Variants in NDST4 observed in about 807,000 individuals in gnomAD.
NDST4 encodes N-heparan sulfate sulfotransferase 4.
NDST4 carries 63 observed loss-of-function variants against 100.8 expected under a neutral mutation model. The observed-to-expected ratio is 0.62, with a 90% CI of 0.51 to 0.77. The LOEUF (loss-of-function observed/expected upper bound fraction) is 0.77. Ranked by LOEUF, NDST4 falls within the 30% of genes least tolerant of loss-of-function variation. NDST4 has a pLI of 0.00. For missense variants in NDST4, 943 were observed against 1,018.4 expected (o/e 0.93, Z 1.01); for synonymous variants, 377 against 361.8 (o/e 1.04, Z -0.48).
At position 114,929,099 on chromosome 4, in the gene NDST4, TCC is replaced by T. The variant is rs1560817023; in HGVS notation, c.1536+6105_1536+6106del. Among the ~76,000 whole-genome samples the T allele has an allele frequency of 9.4e-4, 126 of 134,396 alleles. 2 individuals carry two copies. The highest frequency in any genetic ancestry group is 3.3e-3 in the African/African-American group (122 of 36,984). 88.2% of individuals were successfully genotyped at this position (134,396 alleles called of 152,430 possible). A position where few individuals can be genotyped will look rare whatever the true frequency, so the allele number is the denominator to read the frequency against. ...GTCCATCCATCCATCCATCCATCCA[TCC>T]ATCCATCCATCCATCTATCTATCTA... On this transcript the variant is annotated intron_variant, in intron 6 of 13. Transcript: ENST00000264363.
chr4:115,044,925 GA>G (rs1408165421), intron 2 of NDST4, among the ~76,000 whole-genome samples: 4 of 151,444 alleles, frequency 2.6e-5, no homozygotes, highest in Non-Finnish European at 5.9e-5. Flanking sequence ...CTAGATAAGG[GA>G]GAATCAAGAA....
intron 4 of NDST4, among the ~76,000 whole-genome samples, chr4:114,964,655 A>G (rs560763578): frequency 3.3e-5 from 5 of 152,312 alleles, no homozygotes; most frequent in African/African-American, 1.2e-4. Context: ...TTTTAAGTAC[A>G]CAATATTATT....
At chr4:115,005,986 C>G (rs144982996) in intron 2 of NDST4, among the ~76,000 whole-genome samples, 2 of 132,646 alleles carry the variant, frequency 1.5e-5, no homozygotes, top group Non-Finnish European at 3.1e-5. Flanking sequence ...GAGCTGAGAT[C>G]GCGTCACTGC....
intron 1 of NDST4, among the ~76,000 whole-genome samples, chr4:115,087,277 A>G (rs1023356200): frequency 5.9e-5 from 9 of 152,122 alleles, no homozygotes; most frequent in Middle Eastern, 3.4e-3. Context: ...ATTCAGTTCA[A>G]TCATGGATTT....
At chr4:115,112,905 G>A (rs1372965906) in intron 1 of NDST4, among the ~76,000 whole-genome samples, 2 of 152,022 alleles carry the variant, frequency 1.3e-5, no homozygotes, top group Non-Finnish European at 2.9e-5. Flanking sequence ...AGCAATTTAT[G>A]ACTGTAACAT....
At chr4:114,974,676 A>G (rs1043891176) in intron 3 of NDST4, among the ~76,000 whole-genome samples, 1 of 152,046 alleles carries the variant, frequency 6.6e-6, no homozygotes, top group African/African-American at 2.4e-5. Context: ...TTCCCATTTA[A>G]CCTGCACTAC....
intron 2 of NDST4, among the ~76,000 whole-genome samples, chr4:114,981,934 G>A (rs1726782819): frequency 6.6e-6 from 1 of 152,078 alleles, no homozygotes; most frequent in Non-Finnish European, 1.5e-5. Context: ...TCTGAGGGTG[G>A]TTTCTAAAGG....
chr4:115,111,723 A>G (rs999585031), intron 1 of NDST4, among the ~76,000 whole-genome samples: 1 of 151,742 alleles, frequency 6.6e-6, no homozygotes, highest in Non-Finnish European at 1.5e-5. Flanking sequence ...TATATATTAT[A>G]ACTTTTTCAA....
intron 6 of NDST4, among the ~76,000 whole-genome samples, chr4:114,919,082 A>C (rs1311533107): frequency 6.6e-6 from 1 of 152,196 alleles, no homozygotes; most frequent in East Asian, 1.9e-4. Context: ...TCTCATTTGC[A>C]TATTAAATAT....
intron 2 of NDST4, among the ~76,000 whole-genome samples, chr4:115,009,435 A>G (rs1249905586): frequency 1.6e-5 from 2 of 127,818 alleles, no homozygotes; most frequent in Admixed American, 7.9e-5. Flanking sequence ...GCAATGGGGA[A>G]AGGATTCCCT....
At chr4:114,934,666 T>C (rs922614571) in intron 6 of NDST4, among the ~76,000 whole-genome samples, 3 of 151,972 alleles carry the variant, frequency 2.0e-5, no homozygotes, top group African/African-American at 7.2e-5. Flanking sequence ...AGGAACAAAG[T>C]TCCAGTTAGA....
At chr4:114,829,321 C>A (rs1466890231) in intron 13 of NDST4, among the ~76,000 whole-genome samples, 1 of 151,266 alleles carries the variant, frequency 6.6e-6, no homozygotes, top group Non-Finnish European at 1.5e-5. Context: ...TAATACAAAT[C>A]AGTGGATATA....
At position 115,057,523 on chromosome 4, in the gene NDST4, C is replaced by T. The variant is rs190019456; in HGVS notation, c.978+18536G>A. Among the ~76,000 whole-genome samples, 182 of 152,234 alleles carry T rather than the reference C, an allele frequency of 1.2e-3. 1 individual carries two copies. The highest frequency in any genetic ancestry group is 0.011 in the South Asian group (55 of 4,826). On this transcript the variant is annotated intron_variant, in intron 2 of 13. Coordinates refer to ENST00000264363, the MANE Select transcript of NDST4 (RefSeq NM_022569.3). ...GCAGAAAAATGCCAACCTGAAAGTA[C>T]TATTGGCAGACATCAGACAATGTTG...
In NDST4 at chr4:114,829,816, G is replaced by C; in HGVS notation, c.2473C>G (p.Arg825Gly). 2 of 1,610,708 alleles carry C rather than the reference G, an allele frequency of 1.2e-6. No individual in the cohort carries two copies. The highest frequency in any genetic ancestry group is 1.7e-6 in the Non-Finnish European group (2 of 1,179,102). Reference sequence around the variant, plus strand: ...TCTGGATCCATAGGTGGATATTTTCGGCCTTTGCTTTTTCCAAGGCATTTT... The same window carrying C: ...TCTGGATCCATAGGTGGATATTTTCCGCCTTTGCTTTTTCCAAGGCATTTT... ...KTKCLGKSKGRKYPPMDPESR... is the reference protein window; with the variant it reads ...KTKCLGKSKGGKYPPMDPESR... The change falls in exon 13 of 14, where the codon CGA becomes GGA. Residue 825 changes from arginine to glycine, a missense_variant. By Grantham distance (125) the Arg-to-Gly change is moderately radical. Transcript: ENST00000264363.
intron 6 of NDST4, among the ~76,000 whole-genome samples, chr4:114,886,870 AG>A (rs1724491342): frequency 6.6e-6 from 1 of 152,190 alleles, no homozygotes; most frequent in Admixed American, 6.5e-5. Context: ...CTTTTGTGAG[AG>A]TAGAGAAGTC....
At chr4:114,994,881 G>A (rs1727126454) in intron 2 of NDST4, among the ~76,000 whole-genome samples, 1 of 151,732 alleles carries the variant, frequency 6.6e-6, no homozygotes, top group Non-Finnish European at 1.5e-5. Context: ...CTGAATGAAG[G>A]GAATCATAAA....
At chr4:114,858,331 T>C (rs1723843652) in intron 7 of NDST4, among the ~76,000 whole-genome samples, 1 of 152,174 alleles carries the variant, frequency 6.6e-6, no homozygotes, top group African/African-American at 2.4e-5. Context: ...CTATCACCAC[T>C]ATGAAAGGGC....
intron 6 of NDST4, among the ~76,000 whole-genome samples, chr4:114,893,951 G>C (rs941702115): frequency 1.3e-5 from 2 of 152,042 alleles, no homozygotes; most frequent in Non-Finnish European, 2.9e-5. Flanking sequence ...TCAGTTTTCT[G>C]CGTATGGCTA....
intron 2 of NDST4, among the ~76,000 whole-genome samples, chr4:114,999,984 C>A (rs1009489256): frequency 2.1e-4 from 32 of 151,914 alleles, no homozygotes; most frequent in African/African-American, 7.7e-4. Context: ...TCTTCCAAAT[C>A]TGTAATTTAA....
Sources: allele counts gnomAD v4.1 joint callset (sites outside exome capture counted in the v4.1 genomes callset), GRCh38; gene constraint gnomAD v4.1.1; transcripts MANE v1.5; gene names NCBI Gene and HGNC (gene_info 2026-07-23, HGNC 2026-07-21).